The following ULK4 variants were observed in gnomAD, a reference collection of about 807,000 sequenced individuals.
ULK4 encodes unc-51 like kinase 4, also known as inactive serine/threonine-protein kinase ULK4.
A neutral mutation model predicts 160.6 loss-of-function variants in ULK4; 133 were observed. The ratio of observed to expected loss-of-function variants is 0.83; its 90% CI spans 0.72 to 0.96. The LOEUF is 0.96. Ranked by LOEUF, ULK4 falls within the 40% of genes least tolerant of loss-of-function variation. The probability of loss-of-function intolerance (pLI) is 0.00; values close to 1 mark genes in which losing one functional copy is unlikely to be tolerated. For missense variants in ULK4, 1,580 were observed against 1,499.5 expected (o/e 1.05, Z -0.89); for synonymous variants, 534 against 539.8 (o/e 0.99, Z 0.15).
At chr3:41,711,827 T>G (rs73069357) in intron 25 of ULK4, among the ~76,000 whole-genome samples, 18,108 of 152,222 alleles carry the variant, frequency 0.12, 1,263 homozygotes, top group Middle Eastern at 0.26. Flanking sequence ...ATTTCCTTAA[T>G]TTACTACTTC....
chr3:41,528,829 T>G (rs1429218655), intron 32 of ULK4, among the ~76,000 whole-genome samples: 2 of 152,144 alleles, frequency 1.3e-5, no homozygotes, highest in Non-Finnish European at 2.9e-5. Flanking sequence ...AAAACTGCAG[T>G]GTGTTGTTGT....
At chr3:41,419,161 G>A (rs991307765) in intron 34 of ULK4, among the ~76,000 whole-genome samples, 1 of 152,132 alleles carries the variant, frequency 6.6e-6, no homozygotes, top group Non-Finnish European at 1.5e-5. Flanking sequence ...TGTGCTTACT[G>A]TGCAATTCTT....
chr3:41,707,973 C>T (rs1337436427), intron 25 of ULK4, among the ~76,000 whole-genome samples: 1 of 151,966 alleles, frequency 6.6e-6, no homozygotes, highest in African/African-American at 2.4e-5. Flanking sequence ...TATCACTTCA[C>T]ATCCATAAGA....
At chr3:41,456,713 C>T (rs1197475155) in intron 33 of ULK4, among the ~76,000 whole-genome samples, 9 of 152,154 alleles carry the variant, frequency 5.9e-5, no homozygotes, top group African/African-American at 4.8e-5. Context: ...TCTGTTTTTA[C>T]GTTTACTCAG....
chr3:41,367,362 T>C (rs1393093586), intron 35 of ULK4, among the ~76,000 whole-genome samples: 2 of 152,162 alleles, frequency 1.3e-5, no homozygotes, highest in Non-Finnish European at 2.9e-5. Context: ...AATAAAGATA[T>C]CAATTCAGAG....
At chr3:41,884,255 G>A (rs1697636200) in intron 16 of ULK4, among the ~76,000 whole-genome samples, 1 of 152,140 alleles carries the variant, frequency 6.6e-6, no homozygotes, top group Admixed American at 6.5e-5. Context: ...CCAGAGAAAA[G>A]AGCAAAACAG....
chr3:41,511,555 C>G (rs918491868), intron 32 of ULK4, among the ~76,000 whole-genome samples: 1 of 152,016 alleles, frequency 6.6e-6, no homozygotes, highest in Admixed American at 6.6e-5. Context: ...TGGATAAATT[C>G]CTGGAAATAT....
At chr3:41,699,905 T>G (rs1478595020) in intron 27 of ULK4, among the ~76,000 whole-genome samples, 1 of 152,262 alleles carries the variant, frequency 6.6e-6, no homozygotes. Context: ...TGCTTGCATT[T>G]CATATGATTA....
intron 22 of ULK4, among the ~76,000 whole-genome samples, chr3:41,733,727 T>TA: frequency 1.1e-5 from 1 of 94,598 alleles, no homozygotes; most frequent in South Asian, 3.4e-4. Flanking sequence ...AACACATGAT[T>TA]TTTTTTTTTT....
chr3:41,423,984 T>A (rs2082720423), intron 34 of ULK4, among the ~76,000 whole-genome samples: 1 of 152,106 alleles, frequency 6.6e-6, no homozygotes, highest in East Asian at 1.9e-4. Context: ...ATTACGGAGT[T>A]CTTGTGGGGA....
intron 32 of ULK4, among the ~76,000 whole-genome samples, chr3:41,545,450 C>G (rs1691959): frequency 0.51 from 77,563 of 151,936 alleles, 19,907 homozygotes; most frequent in Middle Eastern, 0.57. Context: ...TTTAAAGATG[C>G]TTTTCTGCTT....
At chr3:41,887,947 A>G (rs1198108675) in intron 16 of ULK4, among the ~76,000 whole-genome samples, 1 of 151,870 alleles carries the variant, frequency 6.6e-6, no homozygotes, top group Non-Finnish European at 1.5e-5. Flanking sequence ...AAGGATCACT[A>G]AGGCCAGGAG....
intron 7 of ULK4, among the ~76,000 whole-genome samples, chr3:41,917,090 G>C (rs1470173597): frequency 6.6e-6 from 1 of 152,110 alleles, no homozygotes; most frequent in Non-Finnish European, 1.5e-5. Flanking sequence ...CCTCTTTTAA[G>C]ATTTTTAACA....
chr3:41,381,861 C>T (rs187972703), intron 35 of ULK4, among the ~76,000 whole-genome samples: 22 of 152,210 alleles, frequency 1.4e-4, no homozygotes, highest in South Asian at 4.1e-4. Flanking sequence ...CTTTCCTCCA[C>T]GACACCCTTC....
chr3:41,507,480 A>G (rs2085432041), intron 32 of ULK4, among the ~76,000 whole-genome samples: 1 of 152,022 alleles, frequency 6.6e-6, no homozygotes, highest in South Asian at 2.1e-4. Flanking sequence ...TTAAGAAACT[A>G]AATGACAAAT....
Position 41,383,183 on chromosome 3 carries a change from C to A in ULK4, c.3678+14896G>T, listed in dbSNP as rs6795853. On this transcript the variant is annotated intron_variant, in intron 35 of 36. Transcript: ENST00000301831. ...GCGCAATCTCAGGTCACTGCAACCT[C>A]CGCCTCCTTGGTTCAAGCGATTCTC... Among the ~76,000 whole-genome samples, 69 of 151,906 alleles carry A rather than the reference C, an allele frequency of 4.5e-4. 1 individual carries two copies. The highest frequency in any genetic ancestry group is 1.4e-3 in the African/African-American group (59 of 41,412).
intron 22 of ULK4, among the ~76,000 whole-genome samples, chr3:41,735,916 C>T (rs1016086004): frequency 6.4e-5 from 9 of 141,694 alleles, no homozygotes; most frequent in Middle Eastern, 7.8e-3. Flanking sequence ...TGTTCAATTC[C>T]CACCTATGAG....
At chr3:41,303,367 G>A (rs975847317) in intron 35 of ULK4, among the ~76,000 whole-genome samples, 1 of 152,174 alleles carries the variant, frequency 6.6e-6, no homozygotes, top group African/African-American at 2.4e-5. Context: ...TCACGCTAGA[G>A]TATTAATTCC....
intron 15 of ULK4, 108 bp from the exon 16 acceptor site, chr3:41,895,672 A>G (rs1393521952): frequency 3.9e-6 from 2 of 507,830 alleles, no homozygotes; most frequent in African/African-American, 2.0e-5. Context: ...ATACAAAGGA[A>G]ATTTACACTG....
Sources: gnomAD v4.1 joint callset for allele counts (sites outside exome capture counted in the v4.1 genomes callset) on GRCh38, gnomAD v4.1.1 for gene constraint, MANE v1.5 for transcripts, NCBI Gene and HGNC (gene_info 2026-07-23, HGNC 2026-07-21) for gene names.